PREX2: variants seen among roughly 807,000 people sequenced by gnomAD.
PREX2 encodes phosphatidylinositol 3,4,5-trisphosphate-dependent Rac exchanger 2 protein.
Under a neutral mutation model 203.2 loss-of-function variants are expected in PREX2, and 107 were observed. That is an observed-to-expected ratio of 0.53 (90% CI 0.45 to 0.62). The LOEUF is 0.62. Ranked by LOEUF, PREX2 falls within the 20% of genes least tolerant of loss-of-function variation. PREX2 has a pLI of 0.00. For missense variants in PREX2, 1,777 were observed against 1,955.9 expected (o/e 0.91, Z 1.72); for synonymous variants, 672 against 663.6 (o/e 1.01, Z -0.19).
intron 7 of PREX2, among the ~76,000 whole-genome samples, chr8:68,044,097 CAGTT>C (rs1440156175): frequency 2.0e-5 from 3 of 151,902 alleles, no homozygotes; most frequent in East Asian, 3.9e-4. Context: ...TGGAAATTAC[CAGTT>C]AGTTACTGAA....
At chr8:68,189,402 C>T (rs1158526329) in intron 35 of PREX2, among the ~76,000 whole-genome samples, 2 of 152,180 alleles carry the variant, frequency 1.3e-5, no homozygotes, top group Non-Finnish European at 2.9e-5. Context: ...CACTCTGCCC[C>T]AGCTCCTGCC....
chr8:68,101,236 A>T (rs1299928584), intron 23 of PREX2, among the ~76,000 whole-genome samples: 4 of 152,154 alleles, frequency 2.6e-5, no homozygotes, highest in Admixed American at 2.0e-4. Flanking sequence ...GCTGCATGAG[A>T]ATAGGGATGT....
intron 39 of PREX2, among the ~76,000 whole-genome samples, chr8:68,226,513 A>G (rs1424795711): frequency 6.6e-6 from 1 of 152,180 alleles, no homozygotes; most frequent in African/African-American, 2.4e-5. Flanking sequence ...ATTTCTGGAA[A>G]CATCTTCATG....
chr8:67,967,547 G>T (rs537997569), intron 1 of PREX2, among the ~76,000 whole-genome samples: 3 of 152,310 alleles, frequency 2.0e-5, no homozygotes, highest in South Asian at 4.1e-4. Context: ...ACGCTGTGCA[G>T]TTGGGGCACC....
intron 31 of PREX2, among the ~76,000 whole-genome samples, chr8:68,133,583 T>G (rs1811051278): frequency 6.6e-6 from 1 of 152,212 alleles, no homozygotes; most frequent in Non-Finnish European, 1.5e-5. Flanking sequence ...TTTTTCCCCA[T>G]GTGTATTTCA....
chr8:68,183,638 A>G (rs1245521103), intron 35 of PREX2, among the ~76,000 whole-genome samples: 1 of 152,130 alleles, frequency 6.6e-6, no homozygotes, highest in South Asian at 2.1e-4. Context: ...ATCATAAAAA[A>G]GAGAGCAAAA....
chr8:68,017,937 C>A lies in PREX2; in HGVS notation c.213+20C>A, dbSNP rs928963663. On this transcript the variant is annotated intron_variant, in intron 2 of 39. Coordinates refer to ENST00000288368, the MANE Select transcript of PREX2 (RefSeq NM_024870.4). ...GTGAAGGTGAGGAGGTACAACTGGC[C>A]TTCAACCTGAGCATGAGTTTCCTAT... The A allele has an allele frequency of 1.9e-6, 3 of 1,599,228 alleles. No homozygotes were observed. Among genetic ancestry groups the A allele is most frequent in the South Asian group, 2.2e-5 (2 of 89,542 alleles).
chr8:68,025,161 A>C (rs1179577042), intron 4 of PREX2, among the ~76,000 whole-genome samples: 1 of 151,746 alleles, frequency 6.6e-6, no homozygotes, highest in Non-Finnish European at 1.5e-5. Flanking sequence ...TCTTCTTGTA[A>C]GTCAGTTCTA....
At chr8:68,058,330 A>G (rs1003214520) in intron 10 of PREX2, among the ~76,000 whole-genome samples, 5 of 151,970 alleles carry the variant, frequency 3.3e-5, no homozygotes, top group Admixed American at 6.6e-5. Flanking sequence ...ATCTCAACCC[A>G]CTTGTCAACC....
At chr8:68,079,405 A>G (rs899281106) in intron 15 of PREX2, among the ~76,000 whole-genome samples, 1 of 152,178 alleles carries the variant, frequency 6.6e-6, no homozygotes, top group Non-Finnish European at 1.5e-5. Context: ...TATATTTATT[A>G]CCTCATTTTG....
chr8:68,018,016 T>A, intron 2 of PREX2, 99 bp downstream of exon 2: 1 of 820,956 alleles, frequency 1.2e-6, no homozygotes, highest in Non-Finnish European at 2.1e-6. Context: ...TGATCGGCAG[T>A]TCCACTACAA....
chr8:68,076,053 A>T (rs932237537), intron 14 of PREX2, among the ~76,000 whole-genome samples: 2 of 152,238 alleles, frequency 1.3e-5, no homozygotes, highest in Non-Finnish European at 2.9e-5. Context: ...CTGGAGAGAT[A>T]GCATAAAACC....
chr8:68,055,910 C>G lies in PREX2; in HGVS notation c.1174C>G (p.Gln392Glu), dbSNP rs1231342400. 1 of 1,612,826 alleles carries G rather than the reference C, an allele frequency of 6.2e-7. No individual in the cohort carries two copies. The highest frequency in any genetic ancestry group is 8.5e-7 in the Non-Finnish European group (1 of 1,178,994). The change falls in exon 10 of 40, where the codon CAA (glutamine) becomes GAA (glutamate). Residue 392 changes from glutamine to glutamate, a missense_variant. Physicochemically the swap from Gln to Glu is conservative, Grantham distance 29. Transcript: ENST00000288368. ...GEKLYKMMCR[Q>E]GNLIKDRKRK... ...GAAACTTTATAAAATGATGTGCAGA[C>G]AAGGAAATCTGATCAAAGACCGAAA...
chr8:67,991,163 A>G (rs994506747), intron 1 of PREX2, among the ~76,000 whole-genome samples: 1 of 152,224 alleles, frequency 6.6e-6, no homozygotes, highest in Non-Finnish European at 1.5e-5. Context: ...ACTAGTTATT[A>G]TACTTTTATT....
At chr8:68,011,366 A>C (rs984735423) in intron 1 of PREX2, among the ~76,000 whole-genome samples, 2 of 152,088 alleles carry the variant, frequency 1.3e-5, no homozygotes, top group African/African-American at 4.8e-5. Context: ...TGTGGCTGGA[A>C]ATGGAAATGG....
At chr8:68,017,791 C>T in intron 1 of PREX2, 55 bp from the exon 2 acceptor site, 1 of 1,401,656 alleles carries the variant, frequency 7.1e-7, no homozygotes, top group Non-Finnish European at 1.0e-6. Flanking sequence ...TACTCAACAC[C>T]CAGTCATTTT....
chr8:68,059,824 G>A (rs753085338), intron 10 of PREX2, among the ~76,000 whole-genome samples: 3 of 152,138 alleles, frequency 2.0e-5, no homozygotes, highest in African/African-American at 4.8e-5. Flanking sequence ...TTTCCTTGCT[G>A]TCAGCCAAGG....
intron 35 of PREX2, among the ~76,000 whole-genome samples, chr8:68,162,224 G>T (rs78679336): frequency 0.023 from 3,493 of 152,042 alleles, 48 homozygotes; most frequent in Middle Eastern, 0.055. Flanking sequence ...AACCTAAAAA[G>T]TAAGTAATTT....
At position 68,114,431 on chromosome 8, in the gene PREX2, C is replaced by G. The variant is rs1810601058; in HGVS notation, c.3147-1322C>G. 3 of 428,638 alleles carry G rather than the reference C, an allele frequency of 7.0e-6. 1 individual carries two copies. The highest frequency in any genetic ancestry group is 4.9e-5 in the South Asian group (3 of 60,846). 26.6% of individuals were successfully genotyped at this position (428,638 alleles called of 1,614,324 possible). A position where few individuals can be genotyped will look rare whatever the true frequency, so the allele number is the denominator to read the frequency against. On this transcript the variant is annotated intron_variant, in intron 25 of 39. Transcript: ENST00000288368. ...TAGTAAATGCGAAGATGGCTGCTGGCTTGAGAAGCCCTATATGGGTCCTTT... is the reference window on the plus strand; with the variant it reads ...TAGTAAATGCGAAGATGGCTGCTGGGTTGAGAAGCCCTATATGGGTCCTTT...
Sources: gnomAD v4.1 joint callset for allele counts (sites outside exome capture counted in the v4.1 genomes callset) on GRCh38, gnomAD v4.1.1 for gene constraint, MANE v1.5 for transcripts, NCBI Gene and HGNC (gene_info 2026-07-23, HGNC 2026-07-21) for gene names.